Variants in AGBL1 observed in about 807,000 individuals in gnomAD.
AGBL1 encodes cytosolic carboxypeptidase 4.
A neutral mutation model predicts 118.9 loss-of-function variants in AGBL1; 130 were observed. The ratio of observed to expected loss-of-function variants is 1.09; its 90% CI spans 0.95 to 1.26. The LOEUF is 1.26. Ranked by LOEUF, AGBL1 falls within the 50% of genes most tolerant of loss-of-function variation. The pLI, the probability that AGBL1 is intolerant of heterozygous loss-of-function variation, is 0.00. For synonymous variants in AGBL1, 555 were observed against 478.9 expected, an observed-to-expected ratio of 1.16 and a Z score of -2.08; for missense variants, 1,584 against 1,298.1, an observed-to-expected ratio of 1.22 and a Z score of -3.38.
At chr15:87,004,682 A>G (rs1361083053) in intron 24 of AGBL1, among the ~76,000 whole-genome samples, 1 of 152,170 alleles carries the variant, frequency 6.6e-6, no homozygotes, top group Non-Finnish European at 1.5e-5. Context: ...CATTTAGCCC[A>G]TTTACATTTA....
chr15:86,964,637 CTT>C (rs201948740), intron 23 of AGBL1, among the ~76,000 whole-genome samples: 3 of 143,754 alleles, frequency 2.1e-5, no homozygotes, highest in Non-Finnish European at 3.1e-5. Context: ...AAATAGAAAT[CTT>C]TTTTTTTTTT....
intron 1 of AGBL1, among the ~76,000 whole-genome samples, chr15:86,102,317 A>G (rs1896786448): frequency 6.6e-6 from 1 of 152,248 alleles, no homozygotes; most frequent in South Asian, 2.1e-4. Flanking sequence ...CTGGGATTAC[A>G]GGCATGAGTC....
chr15:86,947,129 G>A (rs1202805111), intron 23 of AGBL1, among the ~76,000 whole-genome samples: 1 of 152,190 alleles, frequency 6.6e-6, no homozygotes, highest in Admixed American at 6.5e-5. Flanking sequence ...CTAAATTTGA[G>A]AAGGGTGGTG....
At chr15:86,438,844 T>C (rs530148691) in intron 18 of AGBL1, among the ~76,000 whole-genome samples, 1 of 152,100 alleles carries the variant, frequency 6.6e-6, no homozygotes, top group South Asian at 2.1e-4. Flanking sequence ...ATATTTTTAG[T>C]AGAATCGGGG....
In AGBL1 at chr15:86,421,066, C is replaced by T. The variant is rs138931731; in HGVS notation, c.2555+23520C>T. Among the ~76,000 whole-genome samples the T allele has an allele frequency of 2.9e-3, 442 of 152,254 alleles. 3 individuals are homozygous for T. Among genetic ancestry groups the T allele is most frequent in the African/African-American group, 1.0e-2 (415 of 41,538 alleles). ...ATATTATCCGGGAAAACTTCCCCAA[C>T]CTAGCAAAACAGGCCAACATTCCAA... On this transcript the variant is annotated intron_variant, in intron 18 of 22. Transcript: ENST00000614907.
intron 1 of AGBL1, among the ~76,000 whole-genome samples, chr15:86,093,083 GA>G (rs1896138988): frequency 6.6e-6 from 1 of 152,106 alleles, no homozygotes. Flanking sequence ...AGGATAACAA[GA>G]ACAATATAGA....
downstream of AGBL1, among the ~76,000 whole-genome samples, chr15:87,031,024 G>C (rs1016314054): frequency 1.6e-4 from 24 of 151,892 alleles, no homozygotes; most frequent in African/African-American, 5.6e-4. Context: ...GCAAATATTT[G>C]CTGTTATTTA....
chr15:86,662,952 T>C (rs2085571729), intron 21 of AGBL1, among the ~76,000 whole-genome samples: 1 of 152,184 alleles, frequency 6.6e-6, no homozygotes, highest in Non-Finnish European at 1.5e-5. Flanking sequence ...TAGTTTTGAT[T>C]TGTGTCTTAT....
chr15:86,902,981 T>G (rs2080232037), intron 22 of AGBL1, among the ~76,000 whole-genome samples: 1 of 152,144 alleles, frequency 6.6e-6, no homozygotes, highest in African/African-American at 2.4e-5. Context: ...CAGACATTAT[T>G]TCTTTGGATA....
At chr15:87,001,259 C>A in intron 24 of AGBL1, among the ~76,000 whole-genome samples, 1 of 151,518 alleles carries the variant, frequency 6.6e-6, no homozygotes, top group East Asian at 1.9e-4. Context: ...GAACTTCCAA[C>A]ACTATGTTGA....
chr15:86,278,493 A>G (rs952211755), intron 15 of AGBL1, among the ~76,000 whole-genome samples: 3 of 152,144 alleles, frequency 2.0e-5, no homozygotes, highest in Non-Finnish European at 4.4e-5. Context: ...CAGATTTTCT[A>G]TCTCTTTCTT....
At chr15:86,381,568 G>A (rs979289957) in intron 17 of AGBL1, among the ~76,000 whole-genome samples, 4 of 152,126 alleles carry the variant, frequency 2.6e-5, no homozygotes, top group African/African-American at 9.7e-5. Context: ...TACAAGGCAG[G>A]ATAGACTGAA....
chr15:86,614,457 T>C (rs2084696368), intron 21 of AGBL1, among the ~76,000 whole-genome samples: 1 of 152,250 alleles, frequency 6.6e-6, no homozygotes, highest in Non-Finnish European at 1.5e-5. Context: ...GTGGTCTGCT[T>C]TTCTTTCACT....
In AGBL1 at chr15:86,080,037, G is replaced by C; in HGVS notation, c.51+14G>C. The C allele has an allele frequency of 2.0e-5, 25 of 1,232,202 alleles. No homozygotes were observed. The highest frequency in any genetic ancestry group is 2.4e-5 in the Non-Finnish European group (24 of 988,012). The allele number at this position is 1,232,202 out of a possible 1,614,324, so 76.3% of individuals were successfully genotyped here. A position where few individuals can be genotyped will look rare whatever the true frequency, so the allele number is the denominator to read the frequency against. On this transcript the variant is annotated intron_variant, in intron 1 of 22. Transcript: ENST00000614907. ...CACACGCTTCAGGTAGGAAAGGGTAGAGTGGGTGCAGAACCCGGCGGGCTG... is the reference window on the plus strand; with the variant it reads ...CACACGCTTCAGGTAGGAAAGGGTACAGTGGGTGCAGAACCCGGCGGGCTG...
intron 24 of AGBL1, among the ~76,000 whole-genome samples, chr15:87,024,740 A>G (rs1002742553): frequency 6.6e-6 from 1 of 152,078 alleles, no homozygotes; most frequent in African/African-American, 2.4e-5. Flanking sequence ...CCTCAACAAA[A>G]TACTAGTTAA....
chr15:87,024,562 AAAG>A (rs2081705660), intron 24 of AGBL1, among the ~76,000 whole-genome samples: 1 of 152,030 alleles, frequency 6.6e-6, no homozygotes, highest in Non-Finnish European at 1.5e-5. Context: ...CCAGACATTC[AAAG>A]AAGAATTGCT....
intron 21 of AGBL1, among the ~76,000 whole-genome samples, chr15:86,652,254 G>C (rs916096885): frequency 6.6e-6 from 1 of 152,062 alleles, no homozygotes; most frequent in Admixed American, 6.6e-5. Flanking sequence ...GCATCATAGG[G>C]AGCTTCGCAG....
chr15:86,807,684 G>A (rs2078737191), intron 22 of AGBL1, among the ~76,000 whole-genome samples: 1 of 152,088 alleles, frequency 6.6e-6, no homozygotes, highest in African/African-American at 2.4e-5. Context: ...CTAAGAATGA[G>A]GTGGTTTCTA....
At chr15:86,862,517 C>T (rs140272118) in intron 22 of AGBL1, among the ~76,000 whole-genome samples, 7,689 of 152,176 alleles carry the variant, frequency 0.051, 235 homozygotes, top group South Asian at 0.095. Context: ...GTCAGGAGTT[C>T]GAGACCAGCC....
Sources: gnomAD v4.1 joint callset for allele counts (sites outside exome capture counted in the v4.1 genomes callset) on GRCh38, gnomAD v4.1.1 for gene constraint, MANE v1.5 for transcripts, NCBI Gene and HGNC (gene_info 2026-07-23, HGNC 2026-07-21) for gene names.